The following KCNMA1 variants were observed in gnomAD, a reference collection of about 807,000 sequenced individuals.
The protein encoded by KCNMA1 is potassium calcium-activated channel subfamily M alpha 1.
Under a neutral mutation model 140.0 loss-of-function variants are expected in KCNMA1, and 29 were observed. That is an observed-to-expected ratio of 0.21 (90% CI 0.15 to 0.28). KCNMA1 has a LOEUF of 0.28. KCNMA1 is among the 10% of genes least tolerant of loss of function. KCNMA1 has a pLI of 1.00. For synonymous variants in KCNMA1, 612 were observed against 611.9 expected (o/e 1.00, Z 0.00); for missense variants, 880 against 1,602.2 (o/e 0.55, Z 7.70).
At chr10:77,551,843 TCTC>T (rs2062935621) in intron 1 of KCNMA1, among the ~76,000 whole-genome samples, 1 of 152,022 alleles carries the variant, frequency 6.6e-6, no homozygotes, top group African/African-American at 2.4e-5. Flanking sequence ...GAAGTCACCT[TCTC>T]CTTCCAGGGA....
intron 1 of KCNMA1, among the ~76,000 whole-genome samples, chr10:77,502,423 G>A (rs528509410): frequency 5.9e-5 from 9 of 152,082 alleles, no homozygotes; most frequent in Admixed American, 4.6e-4. Context: ...CTATTTGCCC[G>A]AATGCTCTCA....
intron 5 of KCNMA1, among the ~76,000 whole-genome samples, chr10:77,164,222 G>T (rs530494452): frequency 6.6e-6 from 1 of 152,310 alleles, no homozygotes; most frequent in East Asian, 1.9e-4. Flanking sequence ...AAGGCGGCCA[G>T]CCCCAATCCA....
intron 2 of KCNMA1, among the ~76,000 whole-genome samples, chr10:77,292,485 A>C (rs1341145858): frequency 6.6e-6 from 1 of 152,242 alleles, no homozygotes; most frequent in African/African-American, 2.4e-5. Flanking sequence ...CACTGTTGCC[A>C]ACTGGATCAT....
chr10:77,403,531 G>C (rs2096355502), intron 2 of KCNMA1, among the ~76,000 whole-genome samples: 1 of 152,080 alleles, frequency 6.6e-6, no homozygotes, highest in Non-Finnish European at 1.5e-5. Flanking sequence ...ATGAGTTTCT[G>C]GTATATTTCC....
chr10:77,244,636 A>T (rs1019423622), intron 3 of KCNMA1, among the ~76,000 whole-genome samples: 1 of 152,176 alleles, frequency 6.6e-6, no homozygotes, highest in African/African-American at 2.4e-5. Flanking sequence ...ACATATAAAG[A>T]AGTTGACTCT....
At chr10:77,284,415 T>A (rs1371668899) in intron 2 of KCNMA1, among the ~76,000 whole-genome samples, 1 of 152,172 alleles carries the variant, frequency 6.6e-6, no homozygotes, top group Non-Finnish European at 1.5e-5. Flanking sequence ...TACAGGCATA[T>A]TAAAATGTAA....
At chr10:77,222,871 G>C (rs2050132178) in intron 3 of KCNMA1, among the ~76,000 whole-genome samples, 1 of 152,126 alleles carries the variant, frequency 6.6e-6, no homozygotes, top group East Asian at 1.9e-4. Context: ...TTGTATTGTG[G>C]GGCATGCTAC....
intron 14 of KCNMA1, among the ~76,000 whole-genome samples, chr10:77,051,171 C>T (rs893543743): frequency 3.9e-5 from 6 of 152,162 alleles, no homozygotes; most frequent in African/African-American, 9.7e-5. Context: ...AGTGTGAGGA[C>T]GAAAACGCTC....
intron 19 of KCNMA1, among the ~76,000 whole-genome samples, chr10:76,989,809 G>GA (rs567883554): frequency 0.61 from 89,143 of 146,332 alleles, 27,076 homozygotes; most frequent in African/African-American, 0.66. Context: ...TCAGTCATTT[G>GA]AAAAAAAAAA....
intron 16 of KCNMA1, among the ~76,000 whole-genome samples, chr10:77,025,240 G>GTATATATATATATATATA (rs1384161555): frequency 1.0e-3 from 66 of 65,320 alleles, no homozygotes; most frequent in Non-Finnish European, 1.1e-3. Context: ...AGGGGTGTGT[G>GTATATATATATATATATA]TGTATATATA....
chr10:77,564,690 G>T (rs560687901), intron 1 of KCNMA1, among the ~76,000 whole-genome samples: 1 of 152,162 alleles, frequency 6.6e-6, no homozygotes, highest in Non-Finnish European at 1.5e-5. Flanking sequence ...CTCAGCCTTC[G>T]CAGCTTCCTC....
intron 1 of KCNMA1, among the ~76,000 whole-genome samples, chr10:77,426,393 A>T (rs900839112): frequency 6.6e-6 from 1 of 152,166 alleles, no homozygotes; most frequent in African/African-American, 2.4e-5. Context: ...TTGAATCCTC[A>T]CAACAAGTTT....
Position 76,899,141 on chromosome 10 carries a change from G to A in KCNMA1, c.3148-7422C>T, listed in dbSNP as rs2043926695. ...AGTAATCATCTATGAAGAGACAGAG[G>A]AGAGTATTAGGAAAAAAGGAAAATT... is the stretch of plus-strand genomic sequence containing the variant. On this transcript the variant is annotated intron_variant, in intron 25 of 27. Coordinates refer to ENST00000286628, the MANE Select transcript of KCNMA1 (RefSeq NM_001161352.2). 2.0e-5 allele frequency among the ~76,000 whole-genome samples: 3 copies of A among 152,112 alleles called. No homozygotes were observed. The South Asian group carries it at 6.2e-4, about 31-fold the overall frequency.
At chr10:77,310,752 C>T (rs544688154) in intron 2 of KCNMA1, among the ~76,000 whole-genome samples, 2 of 152,136 alleles carry the variant, frequency 1.3e-5, no homozygotes, top group East Asian at 1.9e-4. Context: ...CCCTCTTCTG[C>T]GATTTTTATA....
intron 24 of KCNMA1, chr10:76,913,963 C>T (rs1443644506): frequency 2.1e-6 from 2 of 943,042 alleles, no homozygotes; most frequent in East Asian, 2.6e-5. Flanking sequence ...CTTTCTGTTA[C>T]AGCCGGTGAA....
chr10:77,468,052 G>A (rs1039860307), intron 1 of KCNMA1, among the ~76,000 whole-genome samples: 2 of 152,062 alleles, frequency 1.3e-5, no homozygotes, highest in Admixed American at 6.5e-5. Context: ...CTGTCGCCCA[G>A]GCTGGAGTGC....
Position 77,027,895 on chromosome 10 carries a change from C to A in KCNMA1, c.1860-4G>T, listed in dbSNP as rs763267420. The A allele has an allele frequency of 9.3e-6, 15 of 1,612,822 alleles. No homozygotes were observed. The East Asian group carries it at 3.3e-4, about 36-fold the overall frequency. On this transcript the variant is annotated splice_region_variant and splice_polypyrimidine_tract_variant and intron_variant, in intron 15 of 27. Transcript: ENST00000286628. ...CTTGAGCTTCACAAAACACAGCCTG[C>A]AATGAGATGGAGAAGCCTCCCAATC...
intron 1 of KCNMA1, among the ~76,000 whole-genome samples, chr10:77,601,677 G>A (rs2082687797): frequency 6.6e-6 from 1 of 152,194 alleles, no homozygotes; most frequent in Non-Finnish European, 1.5e-5. Flanking sequence ...CCAATGGTCT[G>A]TTTATTGTCT....
chr10:76,985,458 C>T (rs2081004412), intron 19 of KCNMA1, among the ~76,000 whole-genome samples: 1 of 152,074 alleles, frequency 6.6e-6, no homozygotes, highest in Non-Finnish European at 1.5e-5. Flanking sequence ...AATATTTTTC[C>T]CTTTCTTTAA....
Sources: allele counts gnomAD v4.1 joint callset (sites outside exome capture counted in the v4.1 genomes callset), GRCh38; gene constraint gnomAD v4.1.1; transcripts MANE v1.5; gene names NCBI Gene and HGNC (gene_info 2026-07-23, HGNC 2026-07-21).